Variants in ITSN1 observed in about 807,000 individuals in gnomAD.
The protein encoded by ITSN1 is intersectin-1.
Under a neutral mutation model 239.8 loss-of-function variants are expected in ITSN1, and 58 were observed. That is an observed-to-expected ratio of 0.24 (90% CI 0.20 to 0.30). The LOEUF (loss-of-function observed/expected upper bound fraction) is 0.30. ITSN1 is among the 10% of genes least tolerant of loss of function. The pLI, the probability that ITSN1 is intolerant of heterozygous loss-of-function variation, is 1.00. For synonymous variants in ITSN1, 780 were observed against 770.8 expected, an observed-to-expected ratio of 1.01 and a Z score of -0.20; for missense variants, 1,558 against 2,103.3, an observed-to-expected ratio of 0.74 and a Z score of 5.07.
chr21:33,684,360 G>A (rs1322769339), intron 1 of ITSN1, among the ~76,000 whole-genome samples: 1 of 152,144 alleles, frequency 6.6e-6, no homozygotes, highest in Non-Finnish European at 1.5e-5. Flanking sequence ...ACAGTCAAGG[G>A]GTTGTTTTCC....
intron 33 of ITSN1, among the ~76,000 whole-genome samples, chr21:33,870,133 A>G (rs951605083): frequency 2.0e-5 from 3 of 152,090 alleles, no homozygotes; most frequent in African/African-American, 7.2e-5. Context: ...CCCCAGCTCA[A>G]CTCCACAAAA....
chr21:33,857,074 A>G (rs1979492691), intron 30 of ITSN1, among the ~76,000 whole-genome samples: 1 of 152,202 alleles, frequency 6.6e-6, no homozygotes, highest in Non-Finnish European at 1.5e-5. Flanking sequence ...AGAGGGACAG[A>G]GATCACTTAG....
chr21:33,749,522 A>G (rs1373654370), intron 5 of ITSN1, among the ~76,000 whole-genome samples: 1 of 151,948 alleles, frequency 6.6e-6, no homozygotes, highest in Admixed American at 6.6e-5. Context: ...GGCACCTGTA[A>G]TCCCAGCTAT....
At chr21:33,718,315 A>G (rs2065284904) in intron 1 of ITSN1, among the ~76,000 whole-genome samples, 1 of 152,248 alleles carries the variant, frequency 6.6e-6, no homozygotes, top group African/African-American at 2.4e-5. Flanking sequence ...AGGTACAGTC[A>G]GCCCTCCGTA....
At chr21:33,729,283 T>G (rs2066018319) in intron 4 of ITSN1, among the ~76,000 whole-genome samples, 2 of 151,778 alleles carry the variant, frequency 1.3e-5, no homozygotes, top group South Asian at 4.2e-4. Context: ...AGACCCCGTC[T>G]CTACTTTAAA....
At chr21:33,847,681 T>C (rs919264516) in intron 29 of ITSN1, among the ~76,000 whole-genome samples, 1 of 152,132 alleles carries the variant, frequency 6.6e-6, no homozygotes, top group Admixed American at 6.5e-5. Flanking sequence ...CTCAGAGAGA[T>C]GGCGTTCTGT....
intron 29 of ITSN1, among the ~76,000 whole-genome samples, chr21:33,841,311 C>T (rs897541939): frequency 2.6e-5 from 4 of 152,162 alleles, no homozygotes; most frequent in African/African-American, 9.7e-5. Context: ...ATGAAATTGT[C>T]AATTCTTACC....
intron 4 of ITSN1, among the ~76,000 whole-genome samples, chr21:33,733,048 G>A (rs962666064): frequency 1.3e-5 from 2 of 152,012 alleles, no homozygotes; most frequent in Non-Finnish European, 2.9e-5. Context: ...ATCCCAGTAG[G>A]GTTGTTTGTA....
intron 4 of ITSN1, among the ~76,000 whole-genome samples, chr21:33,728,422 G>A (rs185076722): frequency 1.3e-3 from 202 of 151,166 alleles, no homozygotes; most frequent in African/African-American, 4.7e-3. Context: ...TAGTAGCAGG[G>A]TTTCACCATG....
intron 10 of ITSN1, 87 bp downstream of exon 10, chr21:33,766,099 T>C: frequency 7.1e-7 from 1 of 1,399,076 alleles, no homozygotes; most frequent in Non-Finnish European, 1.0e-6. Flanking sequence ...CTTACCTGAT[T>C]TTCATCCCTG....
intron 1 of ITSN1, among the ~76,000 whole-genome samples, chr21:33,717,484 A>G (rs2147045524): frequency 6.6e-6 from 1 of 152,290 alleles, no homozygotes. Context: ...GGTGTGAGCC[A>G]CTGTGCCCAG....
rs111834662 is a variant in ITSN1 at position 33,808,453 on chromosome 21, T to C, written c.2320-2522T>C. On this transcript the variant is annotated intron_variant, in intron 20 of 39. Coordinates refer to ENST00000381318, the MANE Select transcript of ITSN1 (RefSeq NM_003024.3). Reference sequence around the variant, plus strand: ...TACAGAAATTAGCCAGGCGTGGTGGTGGGCACCTGTAATCCCAGCTACTCA... The same window carrying C: ...TACAGAAATTAGCCAGGCGTGGTGGCGGGCACCTGTAATCCCAGCTACTCA... Among the ~76,000 whole-genome samples, 1,085 of 151,260 alleles carry C rather than the reference T, an allele frequency of 7.2e-3. 12 individuals are homozygous for C. Among genetic ancestry groups the C allele is most frequent in the African/African-American group, 0.025 (1,036 of 41,220 alleles).
At chr21:33,706,750 A>G (rs1422125546) in intron 1 of ITSN1, among the ~76,000 whole-genome samples, 2 of 151,900 alleles carry the variant, frequency 1.3e-5, no homozygotes, top group Non-Finnish European at 2.9e-5. Context: ...TTATTTGTTT[A>G]TTTATTTATT....
At chr21:33,673,659 G>A (rs1394318475) in intron 1 of ITSN1, among the ~76,000 whole-genome samples, 2 of 151,948 alleles carry the variant, frequency 1.3e-5, no homozygotes, top group Non-Finnish European at 2.9e-5. Flanking sequence ...CCTCAGTGGG[G>A]GTAATCCCAG....
intron 5 of ITSN1, among the ~76,000 whole-genome samples, chr21:33,740,541 G>A (rs193135092): frequency 2.1e-3 from 320 of 152,332 alleles, no homozygotes; most frequent in African/African-American, 7.4e-3. Context: ...TAGATTTGAT[G>A]TGATGAGCTT....
chr21:33,865,322 G>T lies in ITSN1; in HGVS notation c.4062G>T (p.Lys1354Asn). The stretch of plus-strand genomic sequence containing the variant: ...AGACGGATGAGGCCCCAGACTTCAA[G>T]GAGTTCGTCAAAGTAAGGAGCCAGG... ...QQKTDEAPDFKEFVKRLAMDP... is the reference protein window; with the variant it reads ...QQKTDEAPDFNEFVKRLAMDP... The change falls in exon 32 of 40, where the codon AAG becomes AAT. Residue 1354 changes from lysine (K) to asparagine (N), a missense_variant. Lys to Asn is a moderately conservative substitution (Grantham distance 94, BLOSUM62 0). Coordinates refer to ENST00000381318, the MANE Select transcript of ITSN1 (RefSeq NM_003024.3). This position sits in a 1 kb window ranked among gnomAD's most constrained non-coding sequence, Gnocchi z 4.4. 6.4e-7 allele frequency: 1 copy of T among 1,566,186 alleles called. No homozygotes were observed. Among genetic ancestry groups the T allele is most frequent in the Non-Finnish European group, 8.7e-7 (1 of 1,155,026 alleles).
At chr21:33,798,436 A>G (rs1264072096) in intron 18 of ITSN1, among the ~76,000 whole-genome samples, 1 of 152,156 alleles carries the variant, frequency 6.6e-6, no homozygotes, top group Non-Finnish European at 1.5e-5. Flanking sequence ...GGATAAATGA[A>G]AGACTGAACA....
chr21:33,847,989 T>C (rs1388320382), intron 29 of ITSN1, among the ~76,000 whole-genome samples: 2 of 152,190 alleles, frequency 1.3e-5, no homozygotes, highest in Admixed American at 1.3e-4. Flanking sequence ...AAAAACTCCT[T>C]GCGTGACCCC....
rs1467041831 is a variant in ITSN1, at chr21:33,802,546, T to TG, written c.2319+103dup. The TG allele has an allele frequency of 3.3e-6, 4 of 1,212,356 alleles. No individual in the cohort carries two copies. The African/African-American group carries it at 6.0e-5, about 18-fold the overall frequency. The allele number at this position is 1,212,356 out of a possible 1,614,324, so 75.1% of individuals were successfully genotyped here. A position where few individuals can be genotyped will look rare whatever the true frequency, so the allele number is the denominator to read the frequency against. On this transcript the variant is annotated intron_variant, in intron 20 of 39. Transcript: ENST00000381318. The stretch of plus-strand genomic sequence containing the variant: ...AAGTACACGTATCTCTGGGTGTTGT[T>TG]GCGGCAGTAAAAATGTGTTTGAGTC...
Sources: gnomAD v4.1 joint callset for allele counts (sites outside exome capture counted in the v4.1 genomes callset) on GRCh38, gnomAD v4.1.1 for gene constraint, Gnocchi (gnomAD v3.1) non-coding constraint, MANE v1.5 for transcripts, NCBI Gene and HGNC (gene_info 2026-07-23, HGNC 2026-07-21) for gene names.